The following NXN variants were observed in gnomAD, a reference collection of about 807,000 sequenced individuals.
The protein encoded by NXN is nucleoredoxin 1.
Under a neutral mutation model 48.6 loss-of-function variants are expected in NXN, and 16 were observed. The observed-to-expected ratio is 0.33, with a 90% CI of 0.22 to 0.50. The LOEUF (loss-of-function observed/expected upper bound fraction) is 0.50, where lower values mean the gene tolerates loss of function less well. Ranked by LOEUF, NXN falls within the 20% of genes least tolerant of loss-of-function variation. The pLI is 0.98. For synonymous variants in NXN, 281 were observed against 269.6 expected, an observed-to-expected ratio of 1.04 and a Z score of -0.41; for missense variants, 492 against 605.5, an observed-to-expected ratio of 0.81 and a Z score of 1.97.
intron 5 of NXN, among the ~76,000 whole-genome samples, chr17:806,147 C>T (rs1201405464): frequency 7.4e-6 from 1 of 136,030 alleles, no homozygotes; most frequent in African/African-American, 2.8e-5. Context: ...TCCCCGCTCC[C>T]CAGGGCTGCA....
At chr17:839,814 A>AAAAAAAAAAAAAAAAAAAAAAAT (rs1914039885) in intron 1 of NXN, among the ~76,000 whole-genome samples, 1 of 141,568 alleles carries the variant, frequency 7.1e-6, no homozygotes, top group Non-Finnish European at 1.5e-5. Flanking sequence ...AAAAAAAAAA[A>AAAAAAAAAAAAAAAAAAAAAAAT]GGCCAGGCAC....
At chr17:895,680 T>C (rs1201229216) in intron 1 of NXN, among the ~76,000 whole-genome samples, 3 of 149,548 alleles carry the variant, frequency 2.0e-5, no homozygotes, top group East Asian at 2.0e-4. Flanking sequence ...TAGCCAGGCG[T>C]GGTGGTGGGC....
intron 1 of NXN, among the ~76,000 whole-genome samples, chr17:833,240 G>C (rs1221578757): frequency 1.3e-5 from 2 of 152,044 alleles, no homozygotes; most frequent in Non-Finnish European, 2.9e-5. Flanking sequence ...AATTTATCCA[G>C]GAACCCATGT....
chr17:853,786 G>A (rs1049351382), intron 1 of NXN, among the ~76,000 whole-genome samples: 10 of 147,464 alleles, frequency 6.8e-5, no homozygotes, highest in Admixed American at 1.4e-4. Flanking sequence ...GCAGTGGTGC[G>A]ATCTCGGCTC....
intron 1 of NXN, among the ~76,000 whole-genome samples, chr17:846,902 A>G (rs2067868860): frequency 1.3e-5 from 2 of 152,182 alleles, no homozygotes; most frequent in South Asian, 4.1e-4. Flanking sequence ...AAAGAATAAA[A>G]GATTGATCAG....
chr17:929,202 C>T (rs1357670273), intron 1 of NXN, among the ~76,000 whole-genome samples: 1 of 152,246 alleles, frequency 6.6e-6, no homozygotes, highest in African/African-American at 2.4e-5. Flanking sequence ...AGGTGAGCGC[C>T]GGCTTTCCCC....
chr17:889,505 TG>T (rs1053484017), intron 1 of NXN, among the ~76,000 whole-genome samples: 3 of 152,110 alleles, frequency 2.0e-5, no homozygotes, highest in African/African-American at 7.2e-5. Context: ...AAGACCAGCC[TG>T]GCCAACAAGG....
chr17:823,412 A>G (rs1912925337), intron 3 of NXN, among the ~76,000 whole-genome samples: 1 of 151,868 alleles, frequency 6.6e-6, no homozygotes, highest in Non-Finnish European at 1.5e-5. Flanking sequence ...AAAAAAAAAA[A>G]GAGGGCTATC....
rs59822805 is a variant in NXN, at chr17:909,098, CA to C, written c.360+70220del. ...TGGGCGACAGAGTGAGACTTCGTCT[CA>C]AAAAAAAAAAAAAAAAAAAAAAAAA... On this transcript the variant is annotated intron_variant, in intron 1 of 7. Coordinates refer to ENST00000336868, the MANE Select transcript of NXN (RefSeq NM_022463.5). 6.1e-3 allele frequency among the ~76,000 whole-genome samples: 718 copies of C among 116,970 alleles called. 1 individual carries two copies. The highest frequency in any genetic ancestry group is 0.02 in the African/African-American group (592 of 28,956). 76.7% of individuals were successfully genotyped at this position (116,970 alleles called of 152,430 possible). A position where few individuals can be genotyped will look rare whatever the true frequency, so the allele number is the denominator to read the frequency against.
chr17:963,097 T>C (rs2069256575), intron 1 of NXN, among the ~76,000 whole-genome samples: 1 of 151,862 alleles, frequency 6.6e-6, no homozygotes, highest in South Asian at 2.1e-4. Flanking sequence ...CTGACACTTT[T>C]AGCCTCTACC....
chr17:940,187 G>A (rs974747880), intron 1 of NXN, among the ~76,000 whole-genome samples: 44 of 151,728 alleles, frequency 2.9e-4, no homozygotes, highest in Non-Finnish European at 5.1e-4. Flanking sequence ...TCCCACTTCT[G>A]CCTCCCAAAG....
intron 1 of NXN, among the ~76,000 whole-genome samples, chr17:927,080 G>A (rs868846642): frequency 1.2e-4 from 18 of 150,316 alleles, no homozygotes; most frequent in Middle Eastern, 7.1e-3. Context: ...TTGGGAGGCC[G>A]AGGTGGGCGG....
At chr17:970,271 G>C (rs2069358372) in intron 1 of NXN, among the ~76,000 whole-genome samples, 1 of 152,102 alleles carries the variant, frequency 6.6e-6, no homozygotes, top group African/African-American at 2.4e-5. Flanking sequence ...GGCAGTTTCT[G>C]CAAACCTCAT....
chr17:883,036 G>C lies in NXN; in HGVS notation c.361-56958C>G, dbSNP rs567712817. Among the ~76,000 whole-genome samples the C allele has an allele frequency of 3.3e-5, 5 of 152,306 alleles. No homozygotes were observed. The South Asian group carries it at 1.0e-3, about 32-fold the overall frequency. ...CCTAAAGCATTGGGATTACAGGCGT[G>C]AGCCCCCGTCTCCACTAAAAGATAA... On this transcript the variant is annotated intron_variant, in intron 1 of 7. Transcript: ENST00000336868.
In NXN at chr17:917,646, C is replaced by G. The variant is rs961643787; in HGVS notation, c.360+61673G>C. 2.6e-5 allele frequency among the ~76,000 whole-genome samples: 4 copies of G among 152,214 alleles called. No homozygotes were observed. Among genetic ancestry groups the G allele is most frequent in the Non-Finnish European group, 5.9e-5 (4 of 68,038 alleles). ...AAGGACGTGGCTCAGACGCACGTCA[C>G]CATCTCAACCCAATGTAGGCCACCC... is the stretch of plus-strand genomic sequence containing the variant. On this transcript the variant is annotated intron_variant, in intron 1 of 7. Transcript: ENST00000336868. This position sits in a 1 kb window ranked among gnomAD's most constrained non-coding sequence, Gnocchi z 4.5.
rs1913070411 is a variant in NXN, at chr17:825,843, C to A, written c.478+118G>T. ...AAGACGACATTCTCTACCACGTAAA[C>A]CCACGTGTATCTATTTCACCAGTAC... is the stretch of plus-strand genomic sequence containing the variant. On this transcript the variant is annotated intron_variant, in intron 2 of 7. Transcript: ENST00000336868. This position sits in a 1 kb window ranked among gnomAD's most constrained non-coding sequence, Gnocchi z 4.1. 4.4e-6 allele frequency: 3 copies of A among 674,770 alleles called. No homozygotes were observed. The highest frequency in any genetic ancestry group is 2.7e-5 in the Admixed American group (1 of 37,476). The allele number at this position is 674,770 out of a possible 1,614,324, so 41.8% of individuals were successfully genotyped here. A position where few individuals can be genotyped will look rare whatever the true frequency, so the allele number is the denominator to read the frequency against.
Position 870,541 on chromosome 17 carries a change from G to A in NXN, c.361-44463C>T, listed in dbSNP as rs191640338. Among the ~76,000 whole-genome samples, 41 of 151,986 alleles carry A rather than the reference G, an allele frequency of 2.7e-4. 1 individual carries two copies. In the East Asian group the frequency reaches 7.2e-3, roughly 27 times the overall value. On this transcript the variant is annotated intron_variant, in intron 1 of 7. Transcript: ENST00000336868. ...GAGGATTGTTTGAGTCCAGGAGTTC[G>A]AGACCAGCCTGGACAATATACTGAC...
At chr17:902,763 A>C in intron 1 of NXN, among the ~76,000 whole-genome samples, 1 of 149,640 alleles carries the variant, frequency 6.7e-6, no homozygotes, top group African/African-American at 2.5e-5. Context: ...ACACAACACA[A>C]TGGCCTCTGC....
At chr17:965,787 T>C (rs559758871) in intron 1 of NXN, among the ~76,000 whole-genome samples, 1 of 152,196 alleles carries the variant, frequency 6.6e-6, no homozygotes, top group East Asian at 1.9e-4. Context: ...CAGCCTGTAG[T>C]CCCAGCTACT....
Sources: allele counts gnomAD v4.1 joint callset (sites outside exome capture counted in the v4.1 genomes callset), GRCh38; gene constraint gnomAD v4.1.1; non-coding constraint Gnocchi (gnomAD v3.1); transcripts MANE v1.5; gene names NCBI Gene and HGNC (gene_info 2026-07-23, HGNC 2026-07-21).